The following SPOCK2 variants were observed in gnomAD, a reference collection of about 807,000 sequenced individuals.
SPOCK2 encodes SPARC (osteonectin), cwcv and kazal like domains proteoglycan 2.
A neutral mutation model predicts 60.1 loss-of-function variants in SPOCK2; 39 were observed. The ratio of observed to expected loss-of-function variants is 0.65; its 90% CI spans 0.50 to 0.85. The LOEUF (loss-of-function observed/expected upper bound fraction) is 0.85, where lower values mean the gene tolerates loss of function less well. SPOCK2 is among the 40% of genes least tolerant of loss of function. The pLI, the probability that SPOCK2 is intolerant of heterozygous loss-of-function variation, is 0.00. For synonymous variants in SPOCK2, 217 were observed against 231.5 expected (o/e 0.94, Z 0.57); for missense variants, 523 against 567.4 (o/e 0.92, Z 0.80).
intron 1 of SPOCK2, among the ~76,000 whole-genome samples, chr10:72,076,519 C>T (rs1840716789): frequency 6.6e-6 from 1 of 152,138 alleles, no homozygotes; most frequent in Admixed American, 6.5e-5. Flanking sequence ...GAGCTCGTGG[C>T]TTGTATTGCA....
At chr10:72,067,753 A>G (rs1840590466) in intron 6 of SPOCK2, 21 bp from the exon 7 acceptor site, 1 of 1,610,076 alleles carries the variant, frequency 6.2e-7, no homozygotes, top group South Asian at 1.1e-5. Flanking sequence ...GAGAGAAGGC[A>G]TGGAGGGCGA....
intron 1 of SPOCK2, chr10:72,086,598 C>A: frequency 8.5e-7 from 1 of 1,172,460 alleles, no homozygotes; most frequent in Non-Finnish European, 1.1e-6. Context: ...CAGGAGACTG[C>A]GGCTCATCTG....
At chr10:72,084,399 C>T (rs1840828480) in intron 1 of SPOCK2, among the ~76,000 whole-genome samples, 1 of 152,218 alleles carries the variant, frequency 6.6e-6, no homozygotes, top group Non-Finnish European at 1.5e-5. Context: ...GCACCCAGGC[C>T]AGAGCTGTCC....
At chr10:72,063,513 G>A (rs977172383) in intron 9 of SPOCK2, among the ~76,000 whole-genome samples, 10 of 152,256 alleles carry the variant, frequency 6.6e-5, no homozygotes, top group South Asian at 2.1e-4. Flanking sequence ...CCACAGTTCC[G>A]CCGGCCTGGC....
chr10:72,070,723 G>A (rs1010523765), intron 4 of SPOCK2, among the ~76,000 whole-genome samples: 1 of 152,074 alleles, frequency 6.6e-6, no homozygotes, highest in African/African-American at 2.4e-5. Flanking sequence ...GGTAAAAGGG[G>A]GTCACACTTC....
At chr10:72,070,239 T>A in intron 5 of SPOCK2, 73 bp downstream of exon 5, 1 of 1,484,164 alleles carries the variant, frequency 6.7e-7, no homozygotes, top group African/African-American at 1.4e-5. Context: ...AGGCCCCAGC[T>A]GGGTCATCCT....
chr10:72,062,915 G>A lies in SPOCK2; in HGVS notation c.1130-10C>T, dbSNP rs1420154499. 6.3e-7 allele frequency: 1 copy of A among 1,596,894 alleles called. No individual in the cohort carries two copies. The highest frequency in any genetic ancestry group is 1.7e-5 in the Admixed American group (1 of 58,358). On this transcript the variant is annotated splice_polypyrimidine_tract_variant and intron_variant, in intron 10 of 10. Transcript: ENST00000373109. The surrounding 1 kb of genome is among the most constrained non-coding windows in gnomAD (Gnocchi z 4.3). ...AAGCCCACGATGTCATCTGTGAGGGGATCAAGCCAACAGGGGGTGAGGGAG... is the reference window on the plus strand; with the variant it reads ...AAGCCCACGATGTCATCTGTGAGGGAATCAAGCCAACAGGGGGTGAGGGAG...
At chr10:72,086,493 G>A (rs1840856267) in intron 1 of SPOCK2, 2 of 1,069,904 alleles carry the variant, frequency 1.9e-6, no homozygotes, top group Middle Eastern at 4.5e-4. Context: ...CCAGCGAGTC[G>A]GAGGGAGGCC....
chr10:72,070,342 G>A lies in SPOCK2; in HGVS notation c.444C>T (p.Cys148=), dbSNP rs551094133. 29 of 1,614,144 alleles carry A rather than the reference G, an allele frequency of 1.8e-5. No individual in the cohort carries two copies. Among genetic ancestry groups the A allele is most frequent in the South Asian group, 1.8e-4 (16 of 91,082 alleles). ...PCHMAQLASV[C]GSDGHTYSSV... is the part of the protein sequence containing the mutation. Reference sequence around the variant, plus strand: ...AGCTGTAAGTGTGGCCATCTGAGCCGCAGACAGAGGCAAGCTGGGCCATGT... The same window carrying A: ...AGCTGTAAGTGTGGCCATCTGAGCCACAGACAGAGGCAAGCTGGGCCATGT... The change falls in exon 5 of 11, where the codon TGC becomes TGT. Residue 148 remains cysteine (C), a synonymous_variant. Coordinates refer to ENST00000373109, the MANE Select transcript of SPOCK2 (RefSeq NM_001244950.2).
chr10:72,063,242 T>A, intron 9 of SPOCK2, 80 bp from the exon 10 acceptor site: 1 of 1,530,408 alleles, frequency 6.5e-7, no homozygotes, highest in East Asian at 2.5e-5. Context: ...CAGGTCCTCA[T>A]GCATGAGCAG....
intron 4 of SPOCK2, among the ~76,000 whole-genome samples, chr10:72,071,312 C>T (rs1840644421): frequency 6.6e-6 from 1 of 152,122 alleles, no homozygotes; most frequent in Non-Finnish European, 1.5e-5. Flanking sequence ...GTCTCAGCCA[C>T]ACGAGTATCT....
intron 7 of SPOCK2, 100 bp from the exon 8 acceptor site, chr10:72,067,220 T>C: frequency 8.0e-7 from 1 of 1,245,356 alleles, no homozygotes; most frequent in Non-Finnish European, 1.1e-6. Flanking sequence ...CCCTCTATTC[T>C]GGGTCTGGGC....
Position 72,067,730 on chromosome 10 carries a change from T to A in SPOCK2, c.592A>T (p.Thr198Ser). ...TCAGCCAGGTCCTGACCGGTGCAAG[T>A]CTCTGCAGAACAGAGAGAAGGCATG... ...ATSTADGKPE[T>S]CTGQDLADLG... Residue 198 changes from threonine to serine, a missense_variant and splice_region_variant, in exon 7 of 11, where the codon ACT becomes TCT. Coordinates refer to ENST00000373109, the MANE Select transcript of SPOCK2 (RefSeq NM_001244950.2). 1 of 1,613,122 alleles carries A rather than the reference T, an allele frequency of 6.2e-7. No homozygotes were observed. Among genetic ancestry groups the A allele is most frequent in the Non-Finnish European group, 8.5e-7 (1 of 1,179,724 alleles).
rs1564546795 is a variant in SPOCK2, at chr10:72,068,229, G to C, written c.547C>G (p.Pro183Ala). 5.6e-6 allele frequency: 9 copies of C among 1,610,966 alleles called. No homozygotes were observed. The highest frequency in any genetic ancestry group is 7.6e-6 in the Non-Finnish European group (9 of 1,178,902). The change falls in exon 6 of 11, where the codon CCC (proline) becomes GCC (alanine). Residue 183 changes from proline to alanine, a missense_variant. Pro to Ala is a conservative substitution (Grantham distance 27). Transcript: ENST00000373109. ...GTGGAGGTGGCAGCCTGCTCCGTGGGGCAGGGGCAGGGGCCCTCGCATCGC... is the reference window on the plus strand; with the variant it reads ...GTGGAGGTGGCAGCCTGCTCCGTGGCGCAGGGGCAGGGGCCCTCGCATCGC... The part of the protein sequence containing the change: ...AVRCEGPCPC[P>A]TEQAATSTAD...
chr10:72,067,827 G>A, intron 6 of SPOCK2, 95 bp from the exon 7 acceptor site: 1 of 1,527,032 alleles, frequency 6.5e-7, no homozygotes. Context: ...CAGGAGGCTG[G>A]GCAGGGGTCC....
At chr10:72,069,004 G>A (rs1400150241) in intron 5 of SPOCK2, 2 of 152,746 alleles carry the variant, frequency 1.3e-5, no homozygotes, top group Admixed American at 1.3e-4. Flanking sequence ...CAGAGGCCCA[G>A]TGACTTGCCC....
rs867603263 is a variant in SPOCK2, at chr10:72,072,184, G to C, written c.319C>G (p.Gln107Glu). 6.4e-7 allele frequency: 1 copy of C among 1,552,640 alleles called. No homozygotes were observed. Among genetic ancestry groups the C allele is most frequent in the Non-Finnish European group, 8.7e-7 (1 of 1,149,052 alleles). ...RHKVCIAQGY[Q>E]RAMCISRKKL... The stretch of plus-strand genomic sequence containing the variant: ...TTGCGACTGATGCACATGGCCCGCT[G>C]GTAGCCCTGGGCAATGCACACCTTG... The change falls in exon 4 of 11, where the codon CAG becomes GAG. Residue 107 changes from glutamine (Q) to glutamate (E), a missense_variant. Transcript: ENST00000373109.
At chr10:72,067,586 C>G (rs774279816) in intron 7 of SPOCK2, 27 bp downstream of exon 7, 2 of 1,610,594 alleles carry the variant, frequency 1.2e-6, no homozygotes, top group Non-Finnish European at 1.7e-6. Flanking sequence ...TCCCTCCCTC[C>G]TCCAGGCAGA....
At chr10:72,086,347 C>T (rs562600544) in intron 1 of SPOCK2, 15 of 997,312 alleles carry the variant, frequency 1.5e-5, no homozygotes, top group African/African-American at 1.7e-5. Flanking sequence ...TTTATTCTCA[C>T]CCACGGAGCT....
Sources: allele counts gnomAD v4.1 joint callset (sites outside exome capture counted in the v4.1 genomes callset), GRCh38; gene constraint gnomAD v4.1.1; non-coding constraint Gnocchi (gnomAD v3.1); transcripts MANE v1.5; gene names NCBI Gene and HGNC (gene_info 2026-07-23, HGNC 2026-07-21).